CCSER1: variants seen among roughly 807,000 people sequenced by gnomAD.
CCSER1 encodes the protein coiled-coil serine rich protein 1.
In CCSER1, 41 loss-of-function variants were observed where a neutral mutation model predicts 82.0. That is an observed-to-expected ratio of 0.50 (90% CI 0.39 to 0.65). The LOEUF (loss-of-function observed/expected upper bound fraction) is 0.65, where lower values mean the gene tolerates loss of function less well. CCSER1 is among the 30% of genes least tolerant of loss of function. The probability of loss-of-function intolerance (pLI) is 0.00; values close to 1 mark genes in which losing one functional copy is unlikely to be tolerated. For synonymous variants in CCSER1, 414 were observed against 383.9 expected (o/e 1.08, Z -0.92); for missense variants, 1,119 against 1,064.2 (o/e 1.05, Z -0.72).
At chr4:90,468,706 T>C (rs1763954508) in intron 5 of CCSER1, 1 of 157,288 alleles carries the variant, frequency 6.4e-6, no homozygotes, top group Non-Finnish European at 1.4e-5. Flanking sequence ...AATCAGTTTT[T>C]AATATAAAGT....
intron 6 of CCSER1, among the ~76,000 whole-genome samples, chr4:90,698,965 G>T (rs961124091): frequency 6.6e-6 from 1 of 152,032 alleles, no homozygotes; most frequent in Non-Finnish European, 1.5e-5. Context: ...AACCAGGGTG[G>T]TGGTGTGCAC....
chr4:90,213,439 A>G (rs1740406296), intron 1 of CCSER1, among the ~76,000 whole-genome samples: 1 of 152,156 alleles, frequency 6.6e-6, no homozygotes, highest in South Asian at 2.1e-4. Flanking sequence ...GTGATTCTGG[A>G]TTTCACAGGC....
chr4:90,526,592 A>G (rs974850100), intron 5 of CCSER1, among the ~76,000 whole-genome samples: 4 of 152,132 alleles, frequency 2.6e-5, no homozygotes, highest in African/African-American at 4.8e-5. Flanking sequence ...TCATTGTTCA[A>G]TTCCCACTTA....
At chr4:90,257,115 A>G (rs544716796) in intron 1 of CCSER1, among the ~76,000 whole-genome samples, 1 of 152,212 alleles carries the variant, frequency 6.6e-6, no homozygotes, top group African/African-American at 2.4e-5. Context: ...TGGTCTTAAC[A>G]GCAGATATAA....
In CCSER1 at chr4:91,424,001, C is replaced by CTTTTTTTTTTT. The variant is rs1167472932; in HGVS notation, c.2218-174555_2218-174545dup. Among the ~76,000 whole-genome samples, 4 of 77,472 alleles carry CTTTTTTTTTTT rather than the reference C, an allele frequency of 5.2e-5. 1 individual carries two copies. The highest frequency in any genetic ancestry group is 1.6e-4 in the African/African-American group (3 of 18,724). The allele number at this position is 77,472 out of a possible 152,430, so 50.8% of individuals were successfully genotyped here. Reference sequence around the variant, plus strand: ...ATAACACTGTAAGAACTCAGCAGATCTTTTTTTTTTTTTTTTTTTTTTTTT... The same window carrying CTTTTTTTTTTT: ...ATAACACTGTAAGAACTCAGCAGATCTTTTTTTTTTTTTTTTTTTTTTTTTTTTTTTTTTTT... On this transcript the variant is annotated intron_variant, in intron 10 of 10. Coordinates refer to ENST00000509176, the MANE Select transcript of CCSER1 (RefSeq NM_001145065.2).
intron 4 of CCSER1, among the ~76,000 whole-genome samples, chr4:90,465,722 G>T (rs7669684): frequency 6.6e-6 from 1 of 152,156 alleles, no homozygotes; most frequent in Non-Finnish European, 1.5e-5. Context: ...GAAGTGATGT[G>T]TGTGTGTCAC....
At chr4:90,314,787 A>C (rs1436196490) in intron 3 of CCSER1, among the ~76,000 whole-genome samples, 1 of 150,282 alleles carries the variant, frequency 6.7e-6, no homozygotes, top group Non-Finnish European at 1.5e-5. Context: ...AATAAATAAA[A>C]TGTAAAAAGT....
chr4:90,309,147 G>T lies in CCSER1; in HGVS notation c.863G>T (p.Gly288Val). The change falls in exon 2 of 11, where the codon GGC (glycine) becomes GTC (valine). Residue 288 changes from glycine to valine, a missense_variant. Physicochemically the swap from Gly to Val is moderately radical, Grantham distance 109. Transcript: ENST00000509176. The stretch of plus-strand genomic sequence containing the variant: ...ATGGCATCCCACTGTGACAACTTTG[G>T]CCACAATGATTCTACCTCTCAGATG... Reference protein sequence around the residue: ...GSMASHCDNFGHNDSTSQMSL... With the variant: ...GSMASHCDNFVHNDSTSQMSL... The T allele has an allele frequency of 6.2e-7, 1 of 1,613,890 alleles. No individual in the cohort carries two copies. Among genetic ancestry groups the T allele is most frequent in the Non-Finnish European group, 8.5e-7 (1 of 1,179,842 alleles).
intron 10 of CCSER1, among the ~76,000 whole-genome samples, chr4:91,332,623 C>T (rs1406317): frequency 0.063 from 9,594 of 151,626 alleles, 402 homozygotes; most frequent in South Asian, 0.11. Context: ...TTTATTACAG[C>T]GCTACAAAAG....
chr4:90,430,687 A>C (rs772777563), intron 4 of CCSER1, among the ~76,000 whole-genome samples: 31 of 151,836 alleles, frequency 2.0e-4, no homozygotes, highest in Non-Finnish European at 3.8e-4. Flanking sequence ...TTTTTTTCTA[A>C]TAGGAAAATA....
chr4:91,151,802 CT>C (rs1262089738), intron 10 of CCSER1, among the ~76,000 whole-genome samples: 1 of 152,148 alleles, frequency 6.6e-6, no homozygotes, highest in East Asian at 1.9e-4. Flanking sequence ...GTTTCTCAAT[CT>C]TGAGTTCTAA....
chr4:90,248,000 A>T (rs1455433797), intron 1 of CCSER1, among the ~76,000 whole-genome samples: 1 of 152,158 alleles, frequency 6.6e-6, no homozygotes, highest in Non-Finnish European at 1.5e-5. Flanking sequence ...GACAAAATTT[A>T]AAAATTATTT....
At chr4:91,375,576 T>G (rs1750354208) in intron 10 of CCSER1, among the ~76,000 whole-genome samples, 1 of 152,042 alleles carries the variant, frequency 6.6e-6, no homozygotes. Context: ...AAGCACAACT[T>G]TTAGCATTTC....
intron 9 of CCSER1, among the ~76,000 whole-genome samples, chr4:91,079,800 C>A (rs965619528): frequency 2.6e-5 from 4 of 152,058 alleles, no homozygotes; most frequent in African/African-American, 9.7e-5. Context: ...TTTAAACCAA[C>A]AAAGATCAAA....
rs55920118 is a variant in CCSER1, at chr4:91,167,185, CTT to C, written c.2217+81209_2217+81210del. ...TAAATACATGACAAGAATTGCAATA[CTT>C]TTTTTTTTTTTTTTTTTGAGACGGC... On this transcript the variant is annotated intron_variant, in intron 10 of 10. Coordinates refer to ENST00000509176, the MANE Select transcript of CCSER1 (RefSeq NM_001145065.2). Among the ~76,000 whole-genome samples, 478 of 121,466 alleles carry C rather than the reference CTT, an allele frequency of 3.9e-3. 2 individuals carry two copies. The highest frequency in any genetic ancestry group is 0.013 in the African/African-American group (412 of 32,190). 79.7% of individuals were successfully genotyped at this position (121,466 alleles called of 152,430 possible). A position where few individuals can be genotyped will look rare whatever the true frequency, so the allele number is the denominator to read the frequency against.
intron 8 of CCSER1, among the ~76,000 whole-genome samples, chr4:90,893,426 CT>C: frequency 6.6e-6 from 1 of 151,990 alleles, no homozygotes; most frequent in Middle Eastern, 3.4e-3. Context: ...AGAAAAACCC[CT>C]GCCAATATAA....
chr4:90,787,758 C>A (rs2149643806), intron 7 of CCSER1, among the ~76,000 whole-genome samples: 1 of 152,222 alleles, frequency 6.6e-6, no homozygotes, highest in African/African-American at 2.4e-5. Flanking sequence ...GTCAAAGTGA[C>A]CTTGACCTTG....
chr4:91,494,997 G>A (rs911054311), intron 10 of CCSER1, among the ~76,000 whole-genome samples: 2 of 151,676 alleles, frequency 1.3e-5, no homozygotes, highest in South Asian at 4.1e-4. Context: ...GCTACGTGGT[G>A]TTTTGACTGA....
At chr4:90,372,304 T>C (rs74826350) in intron 3 of CCSER1, among the ~76,000 whole-genome samples, 2 of 152,200 alleles carry the variant, frequency 1.3e-5, no homozygotes, top group East Asian at 3.9e-4. Context: ...AATGGACCAA[T>C]AAGAGAAAGT....
Sources: allele counts gnomAD v4.1 joint callset (sites outside exome capture counted in the v4.1 genomes callset), GRCh38; gene constraint gnomAD v4.1.1; transcripts MANE v1.5; gene names NCBI Gene and HGNC (gene_info 2026-07-23, HGNC 2026-07-21).